LRRC43: variants seen among roughly 807,000 people sequenced by gnomAD.
The protein encoded by LRRC43 is leucine rich repeat containing 43.
LRRC43 carries 62 observed loss-of-function variants against 64.3 expected under a neutral mutation model. That is an observed-to-expected ratio of 0.96 (90% CI 0.79 to 1.19). The LOEUF (loss-of-function observed/expected upper bound fraction) is 1.19. Among genes scored for constraint, LRRC43 ranks in the 50% most tolerant of loss-of-function variants. The probability of loss-of-function intolerance (pLI) is 0.00; values close to 1 mark genes in which losing one functional copy is unlikely to be tolerated. For missense variants in LRRC43, 868 were observed against 845.0 expected (o/e 1.03, Z -0.34); for synonymous variants, 422 against 382.3 (o/e 1.10, Z -1.21).
chr12:122,200,645 G>C lies in LRRC43; in HGVS notation c.1605G>C (p.Glu535Asp), dbSNP rs192579560. The change falls in exon 9 of 12, where the codon GAG becomes GAC. Residue 535 changes from glutamate (E) to aspartate (D), a missense_variant. By Grantham distance (45) the Glu-to-Asp change is conservative. Transcript: ENST00000339777. This position sits in a 1 kb window ranked among gnomAD's most constrained non-coding sequence, Gnocchi z 4.6. ...AGAAAGACAGGACGGGGAAAGGAGA[G>C]AAAGAGCCGGCCAAGGTACCGGGCC... is the stretch of plus-strand genomic sequence containing the variant. ...GKEKDRTGKGEKEPAKEWKVL... is the reference protein window; with the variant it reads ...GKEKDRTGKGDKEPAKEWKVL... 6.4e-7 allele frequency: 1 copy of C among 1,572,890 alleles called. No individual in the cohort carries two copies. Among genetic ancestry groups the C allele is most frequent in the African/African-American group, 1.3e-5 (1 of 74,736 alleles).
At chr12:122,190,543 C>G (rs910693718) in intron 5 of LRRC43, among the ~76,000 whole-genome samples, 175 bp downstream of exon 5, 2 of 152,120 alleles carry the variant, frequency 1.3e-5, no homozygotes, top group African/African-American at 4.8e-5. Context: ...GGCTTTGATT[C>G]CTGTGATTGG....
At chr12:122,185,797 G>T (rs1953636644) in intron 2 of LRRC43, among the ~76,000 whole-genome samples, 1 of 152,218 alleles carries the variant, frequency 6.6e-6, no homozygotes. Flanking sequence ...AGGAGTCACG[G>T]ATGGGTCACT....
intron 7 of LRRC43, among the ~76,000 whole-genome samples, chr12:122,196,405 AT>A (rs1953773083): frequency 6.6e-6 from 1 of 152,248 alleles, no homozygotes; most frequent in Non-Finnish European, 1.5e-5. Flanking sequence ...AGTCATCCAC[AT>A]ACCATTTCCA....
chr12:122,198,844 G>A (rs1953800946), intron 7 of LRRC43, among the ~76,000 whole-genome samples: 1 of 151,700 alleles, frequency 6.6e-6, no homozygotes, highest in African/African-American at 2.4e-5. Flanking sequence ...TGTTGCCCAG[G>A]CTGGTTTTGA....
At chr12:122,198,160 T>C (rs1220478196) in intron 7 of LRRC43, among the ~76,000 whole-genome samples, 2 of 152,064 alleles carry the variant, frequency 1.3e-5, no homozygotes, top group Non-Finnish European at 2.9e-5. Context: ...TTTGTATTTT[T>C]AGTAGAGACA....
rs1953623341 is a variant in LRRC43, at chr12:122,184,767, A to T, written c.399A>T (p.Val133=). 1 of 1,602,124 alleles carries T rather than the reference A, an allele frequency of 6.2e-7. No homozygotes were observed. Among genetic ancestry groups the T allele is most frequent in the Admixed American group, 1.7e-5 (1 of 57,466 alleles). Residue 133 remains valine (V), a synonymous_variant, in exon 2 of 12, where the codon GTA becomes GTT. Transcript: ENST00000339777. This position sits in a 1 kb window ranked among gnomAD's most constrained non-coding sequence, Gnocchi z 4.0. ...FFYSYFRSLR[V]IDKKVTLVDK... ...ACTCCTACTTCCGGTCCCTGCGGGTAATAGACAAGAAGGTCAGTGCTGGGC... is the reference window on the plus strand; with the variant it reads ...ACTCCTACTTCCGGTCCCTGCGGGTTATAGACAAGAAGGTCAGTGCTGGGC...
chr12:122,178,582 CTTTTTT>C (rs57204293), upstream of LRRC43, among the ~76,000 whole-genome samples: 2 of 60,732 alleles, frequency 3.3e-5, no homozygotes, highest in African/African-American at 7.5e-5. Context: ...AGGTGGCTTT[CTTTTTT>C]TTTTTTTTTT....
At chr12:122,173,674 ACT>A (rs1245572677) in intron 1 of LRRC43, among the ~76,000 whole-genome samples, 5 of 141,950 alleles carry the variant, frequency 3.5e-5, no homozygotes, top group South Asian at 2.3e-4. Context: ...ACAGAGTAAG[ACT>A]CTGTCTCAAA....
At chr12:122,172,737 T>C in intron 1 of LRRC43, 1 of 1,605,512 alleles carries the variant, frequency 6.2e-7, no homozygotes. Context: ...CTTCTCTTCC[T>C]CCACCTGTGG....
At chr12:122,196,745 G>A (rs1330341486) in intron 7 of LRRC43, among the ~76,000 whole-genome samples, 11 of 150,632 alleles carry the variant, frequency 7.3e-5, no homozygotes, top group Non-Finnish European at 1.6e-4. Context: ...CTCCAGCCTG[G>A]GAAGACTCTG....
upstream of LRRC43, among the ~76,000 whole-genome samples, chr12:122,179,698 T>C (rs182792011): frequency 7.2e-4 from 110 of 151,894 alleles, no homozygotes; most frequent in Non-Finnish European, 1.1e-3. Context: ...GAAGGCTGGG[T>C]GCGGTGGCTC....
At chr12:122,198,050 G>A (rs1361322545) in intron 7 of LRRC43, among the ~76,000 whole-genome samples, 3 of 151,618 alleles carry the variant, frequency 2.0e-5, no homozygotes, top group Admixed American at 6.6e-5. Context: ...GTGTGCTCTC[G>A]GCTCACCACA....
intron 4 of LRRC43, among the ~76,000 whole-genome samples, chr12:122,189,900 G>A (rs977219967): frequency 1.3e-5 from 2 of 152,250 alleles, no homozygotes; most frequent in Non-Finnish European, 1.5e-5. Flanking sequence ...GTCGGTGGGG[G>A]CGTCTCTGTG....
chr12:122,180,132 T>C (rs1182508252), upstream of LRRC43, among the ~76,000 whole-genome samples: 1 of 152,092 alleles, frequency 6.6e-6, no homozygotes, highest in African/African-American at 2.4e-5. Context: ...TTCACTAGAT[T>C]GGGCAACATG....
In LRRC43 at chr12:122,200,228, G is replaced by A. The variant is rs1593155284; in HGVS notation, c.1389G>A (p.Glu463=). ...LFSTAHKPWA[E]VIPCSYEMQH... ...GCACTGCCCACAAGCCCTGGGCTGA[G>A]GTCATCCCCTGCAGTTACGAGATGC... The change falls in exon 8 of 12, where the codon GAG becomes GAA. Residue 463 remains glutamate, a synonymous_variant. Transcript: ENST00000339777. This position sits in a 1 kb window ranked among gnomAD's most constrained non-coding sequence, Gnocchi z 4.6. 6.2e-7 allele frequency: 1 copy of A among 1,614,056 alleles called. No homozygotes were observed. Among genetic ancestry groups the A allele is most frequent in the Non-Finnish European group, 8.5e-7 (1 of 1,180,010 alleles).
At chr12:122,172,813 C>T in intron 1 of LRRC43, 1 of 1,213,304 alleles carries the variant, frequency 8.2e-7, no homozygotes, top group Non-Finnish European at 1.2e-6. Flanking sequence ...TGAATGTTTG[C>T]ATGCTTCCTC....
chr12:122,180,917 T>G (rs1196817486), upstream of LRRC43, among the ~76,000 whole-genome samples: 1 of 152,164 alleles, frequency 6.6e-6, no homozygotes, highest in African/African-American at 2.4e-5. Context: ...TCATAGATAT[T>G]TATTTTATTC....
In LRRC43 at chr12:122,184,056, C is replaced by A. The variant is rs780996835; in HGVS notation, c.151-463C>A. ...ACCTCATCTGTAGTTATATCCATGGCTAATAATCCATCAAAATTATTGATT... is the reference window on the plus strand; with the variant it reads ...ACCTCATCTGTAGTTATATCCATGGATAATAATCCATCAAAATTATTGATT... On this transcript the variant is annotated intron_variant, in intron 1 of 11. Transcript: ENST00000339777. This position sits in a 1 kb window ranked among gnomAD's most constrained non-coding sequence, Gnocchi z 4.0. Among the ~76,000 whole-genome samples, 9 of 151,708 alleles carry A rather than the reference C, an allele frequency of 5.9e-5. No individual in the cohort carries two copies. The highest frequency in any genetic ancestry group is 9.7e-5 in the African/African-American group (4 of 41,260).
intron 1 of LRRC43, among the ~76,000 whole-genome samples, chr12:122,176,445 C>T (rs545865664): frequency 3.3e-5 from 5 of 152,098 alleles, no homozygotes; most frequent in Admixed American, 1.3e-4. Context: ...CCACATGTGA[C>T]GAGGCAGTGC....
Sources: gnomAD v4.1 joint callset for allele counts (sites outside exome capture counted in the v4.1 genomes callset) on GRCh38, gnomAD v4.1.1 for gene constraint, Gnocchi (gnomAD v3.1) non-coding constraint, MANE v1.5 for transcripts, NCBI Gene and HGNC (gene_info 2026-07-23, HGNC 2026-07-21) for gene names.